Variants in ITGA5 observed in about 807,000 individuals in gnomAD.
The protein encoded by ITGA5 is integrin subunit alpha 5, also known as integrin alpha-5.
A neutral mutation model predicts 146.3 loss-of-function variants in ITGA5; 55 were observed. That is an observed-to-expected ratio of 0.38 (90% CI 0.30 to 0.47). ITGA5 has a LOEUF of 0.47. ITGA5 is among the 20% of genes least tolerant of loss of function. ITGA5 has a pLI of 0.99. For synonymous variants in ITGA5, 500 were observed against 531.8 expected (o/e 0.94, Z 0.82); for missense variants, 1,131 against 1,329.0 (o/e 0.85, Z 2.32).
intron 12 of ITGA5, 40 bp from the exon 13 acceptor site, chr12:54,404,934 A>G: frequency 6.8e-7 from 1 of 1,474,780 alleles, no homozygotes; most frequent in Non-Finnish European, 9.0e-7. Context: ...CAGGCCAGGA[A>G]TCCATGGGCT....
At chr12:54,405,521 C>T in intron 11 of ITGA5, 143 bp downstream of exon 11, 4 of 1,028,508 alleles carry the variant, frequency 3.9e-6, no homozygotes, top group Non-Finnish European at 5.8e-6. Flanking sequence ...CTTTCCTTGT[C>T]CCTGAGCAAG....
chr12:54,401,565 C>T lies in ITGA5; in HGVS notation c.2387+20G>A, dbSNP rs1374511186. 1 of 1,613,086 alleles carries T rather than the reference C, an allele frequency of 6.2e-7. No individual in the cohort carries two copies. Among genetic ancestry groups the T allele is most frequent in the Non-Finnish European group, 8.5e-7 (1 of 1,179,202 alleles). On this transcript the variant is annotated intron_variant, in intron 23 of 29. Transcript: ENST00000293379. The surrounding 1 kb of genome is among the most constrained non-coding windows in gnomAD (Gnocchi z 5.0). Reference sequence around the variant, plus strand: ...GTCTGTGTCCCCTCTCAGAAAGACCCCATTTTGCCTGGCACTGACCCGTTC... The same window carrying T: ...GTCTGTGTCCCCTCTCAGAAAGACCTCATTTTGCCTGGCACTGACCCGTTC...
rs747566068 is a variant in ITGA5, at chr12:54,407,862, C to T, written c.832G>A (p.Val278Ile). ...GTGTCATCACCACTGAATTCACCAACAGCCACAGAGTATCCTGGGGGACAG... is the reference window on the plus strand; with the variant it reads ...GTGTCATCACCACTGAATTCACCAATAGCCACAGAGTATCCTGGGGGACAG... ...DDSYLGYSVA[V>I]GEFSGDDTED... The change falls in exon 8 of 30, where the codon GTT (valine) becomes ATT (isoleucine). Residue 278 changes from valine to isoleucine, a missense_variant. Physicochemically the swap from Val to Ile is conservative, Grantham distance 29. Coordinates refer to ENST00000293379, the MANE Select transcript of ITGA5 (RefSeq NM_002205.5). The T allele has an allele frequency of 1.3e-6, 2 of 1,590,282 alleles. No individual in the cohort carries two copies. Among genetic ancestry groups the T allele is most frequent in the Admixed American group, 1.7e-5 (1 of 58,580 alleles).
At chr12:54,406,000 A>C in intron 9 of ITGA5, 74 bp from the exon 10 acceptor site, 1 of 1,317,108 alleles carries the variant, frequency 7.6e-7, no homozygotes, top group South Asian at 1.2e-5. Flanking sequence ...AGATGTGTAC[A>C]GGACACCCAG....
chr12:54,419,079 C>G lies in ITGA5; in HGVS notation c.120G>C (p.Gly40=), dbSNP rs1325674687. The G allele has an allele frequency of 6.3e-7, 1 of 1,587,026 alleles. No individual in the cohort carries two copies. The highest frequency in any genetic ancestry group is 8.5e-7 in the Non-Finnish European group (1 of 1,169,974). The change falls in exon 1 of 30, where the codon GGG becomes GGC. Residue 40 remains glycine, a synonymous_variant. Coordinates refer to ENST00000293379, the MANE Select transcript of ITGA5 (RefSeq NM_002205.5). ...LLLLPPPPRV[G]GFNLDAEAPA... is the part of the protein sequence containing the mutation. ...GGGCCTCCGCGTCTAAGTTGAAGCCCCCGACCCTGGGTGGCGGCGGCAGCA... is the reference window on the plus strand; with the variant it reads ...GGGCCTCCGCGTCTAAGTTGAAGCCGCCGACCCTGGGTGGCGGCGGCAGCA...
intron 19 of ITGA5, 35 bp downstream of exon 19, chr12:54,402,948 C>A (rs918771500): frequency 1.3e-6 from 2 of 1,597,406 alleles, no homozygotes; most frequent in Non-Finnish European, 1.7e-6. Context: ...CCAGGTGCAC[C>A]TGGAGCTCCC....
intron 1 of ITGA5, 72 bp from the exon 2 acceptor site, chr12:54,412,036 C>A: frequency 7.4e-7 from 1 of 1,348,520 alleles, no homozygotes; most frequent in Non-Finnish European, 9.9e-7. Context: ...GCAGGAAGGA[C>A]CCAGGCCTCT....
Position 54,407,820 on chromosome 12 carries a change from G to A in ITGA5, c.862+12C>T, listed in dbSNP as rs377493627. 23 of 1,606,866 alleles carry A rather than the reference G, an allele frequency of 1.4e-5. No individual in the cohort carries two copies. The African/African-American group carries it at 2.3e-4, about 16-fold the overall frequency. Reference sequence around the variant, plus strand: ...TCCCCCTCCCTTGGCCCCAGCCTGGGGACACACTCACCTTCTGTGTCATCA... The same window carrying A: ...TCCCCCTCCCTTGGCCCCAGCCTGGAGACACACTCACCTTCTGTGTCATCA... On this transcript the variant is annotated intron_variant, in intron 8 of 29. Coordinates refer to ENST00000293379, the MANE Select transcript of ITGA5 (RefSeq NM_002205.5).
Position 54,415,262 on chromosome 12 carries a change from G to A in ITGA5, c.219-3298C>T, listed in dbSNP as rs539727254. On this transcript the variant is annotated intron_variant, in intron 1 of 29. Transcript: ENST00000293379. ...ATAGAGTCTGAGAGAAGAAATAACT[G>A]CCAGAATTTATTCTGAAGCCTCAGA... is the stretch of plus-strand genomic sequence containing the variant. Among the ~76,000 whole-genome samples the A allele has an allele frequency of 3.3e-5, 5 of 152,326 alleles. No individual in the cohort carries two copies. In the East Asian group the frequency reaches 9.6e-4, roughly 29 times the overall value.
chr12:54,400,788 C>T (rs1004539000), intron 25 of ITGA5, 58 bp downstream of exon 25: 2 of 1,572,018 alleles, frequency 1.3e-6, no homozygotes, highest in African/African-American at 1.4e-5. Context: ...TCCCCAACCC[C>T]TCAGCCTTGG....
intron 1 of ITGA5, among the ~76,000 whole-genome samples, chr12:54,417,932 T>C (rs1396382840): frequency 1.3e-5 from 2 of 152,178 alleles, no homozygotes; most frequent in East Asian, 3.9e-4. Context: ...CTCTAACTCC[T>C]GTTTCCCAAG....
intron 11 of ITGA5, 127 bp from the exon 12 acceptor site, chr12:54,405,501 G>T (rs1955854292): frequency 2.0e-6 from 2 of 994,950 alleles, no homozygotes; most frequent in South Asian, 3.1e-5. Flanking sequence ...CTGATCATCA[G>T]CTCTCAGCTC....
In ITGA5 at chr12:54,403,249, C is replaced by G. The variant is rs149348150; in HGVS notation, c.1852G>C (p.Val618Leu). 1 of 1,568,686 alleles carries G rather than the reference C, an allele frequency of 6.4e-7. No individual in the cohort carries two copies. Among genetic ancestry groups the G allele is most frequent in the Non-Finnish European group, 8.6e-7 (1 of 1,160,350 alleles). ...LNFSLDPQAP[V>L]DSHGLRPALH... ...GCTGGCCTGAGGCCGTGGCTGTCCA[C>G]TGGGGCTTGGGGGTCCAAGGAGAAG... Residue 618 changes from valine (V) to leucine (L), a missense_variant, in exon 18 of 30, where the codon GTG becomes CTG. Physicochemically the swap from Val to Leu is conservative, Grantham distance 32 (BLOSUM62 1). Coordinates refer to ENST00000293379, the MANE Select transcript of ITGA5 (RefSeq NM_002205.5). The surrounding 1 kb of genome is among the most constrained non-coding windows in gnomAD (Gnocchi z 4.9).
intron 1 of ITGA5, among the ~76,000 whole-genome samples, chr12:54,415,511 G>A (rs976005605): frequency 2.6e-5 from 4 of 152,146 alleles, no homozygotes; most frequent in Non-Finnish European, 5.9e-5. Context: ...TTAAGTAATG[G>A]GCTTAGGTCA....
chr12:54,417,347 C>A (rs1436777283), intron 1 of ITGA5, among the ~76,000 whole-genome samples: 1 of 151,828 alleles, frequency 6.6e-6, no homozygotes, highest in East Asian at 1.9e-4. Context: ...GACCTCATCC[C>A]CTTCCTCCTT....
intron 14 of ITGA5, 37 bp downstream of exon 14, chr12:54,404,393 C>G: frequency 1.2e-6 from 2 of 1,609,056 alleles, no homozygotes; most frequent in Non-Finnish European, 1.7e-6. Context: ...TTCCAGTCCA[C>G]CCAGGTTGTC....
At chr12:54,404,327 A>C (rs1667285071) in intron 14 of ITGA5, 81 bp from the exon 15 acceptor site, 1 of 1,565,248 alleles carries the variant, frequency 6.4e-7, no homozygotes, top group African/African-American at 1.4e-5. Flanking sequence ...CAAGCGCCAG[A>C]ATGTGTGTCC....
Position 54,408,365 on chromosome 12 carries a change from G to A in ITGA5, c.692-130C>T, listed in dbSNP as rs960953404. On this transcript the variant is annotated intron_variant, in intron 6 of 29. Transcript: ENST00000293379. ...GGAAGCATGGGGAGGGTGGTGGCAT[G>A]TAAGCTTCAGGAAAGGAAGAGGAGA... The A allele has an allele frequency of 6.0e-6, 6 of 1,001,030 alleles. No homozygotes were observed. In the African/African-American group the frequency reaches 8.0e-5, roughly 13 times the overall value. 62.0% of individuals were successfully genotyped at this position (1,001,030 alleles called of 1,614,324 possible).
At chr12:54,399,562 T>TA (rs1955760266) in intron 27 of ITGA5, 83 bp downstream of exon 27, 1 of 929,248 alleles carries the variant, frequency 1.1e-6, no homozygotes, top group African/African-American at 1.6e-5. Context: ...AAAGGAGAGG[T>TA]GGCTACTGCA....
Sources: gnomAD v4.1 joint callset for allele counts (sites outside exome capture counted in the v4.1 genomes callset) on GRCh38, gnomAD v4.1.1 for gene constraint, Gnocchi (gnomAD v3.1) non-coding constraint, MANE v1.5 for transcripts, NCBI Gene and HGNC (gene_info 2026-07-23, HGNC 2026-07-21) for gene names.